Variants in PARD3B observed in about 807,000 individuals in gnomAD.
PARD3B encodes partitioning defective 3 homolog B.
PARD3B carries 103 observed loss-of-function variants against 130.2 expected under a neutral mutation model. The ratio of observed to expected loss-of-function variants is 0.79; its 90% confidence interval spans 0.67 to 0.93. PARD3B has a LOEUF of 0.93. Ranked by LOEUF, PARD3B falls within the 40% of genes least tolerant of loss-of-function variation. The probability of loss-of-function intolerance (pLI) is 0.00; values close to 1 mark genes in which losing one functional copy is unlikely to be tolerated. For missense variants in PARD3B, 1,609 were observed against 1,499.2 expected, an observed-to-expected ratio of 1.07 and a Z score of -1.21; for synonymous variants, 583 against 553.2, an observed-to-expected ratio of 1.05 and a Z score of -0.76.
Position 205,401,070 on chromosome 2 carries a change from A to G in PARD3B, c.2688A>G (p.Lys896=), listed in dbSNP as rs1204129552. The change falls in exon 19 of 23, where the codon AAA becomes AAG. Residue 896 remains lysine, a synonymous_variant. Transcript: ENST00000406610. The part of the protein sequence containing the change: ...GGKAEQKGTL[K]HGGLREEELE... ...AGGCTGAGCAGAAAGGTACTCTGAA[A>G]CATGGTGGCCTGAGAGAAGAAGAGC... The G allele has an allele frequency of 6.2e-7, 1 of 1,604,172 alleles. No individual in the cohort carries two copies. The highest frequency in any genetic ancestry group is 8.5e-7 in the Non-Finnish European group (1 of 1,175,508).
intron 2 of PARD3B, among the ~76,000 whole-genome samples, chr2:204,940,185 G>A (rs1021343030): frequency 2.0e-5 from 3 of 152,194 alleles, no homozygotes; most frequent in Non-Finnish European, 4.4e-5. Context: ...AGAGTTCAAA[G>A]TGTTTAGTGC....
intron 18 of PARD3B, among the ~76,000 whole-genome samples, chr2:205,382,426 A>G (rs2045486540): frequency 6.6e-6 from 1 of 152,106 alleles, no homozygotes; most frequent in Non-Finnish European, 1.5e-5. Context: ...AGTGATGTTC[A>G]TCTTGATCAT....
rs71032448 is a variant in PARD3B at position 205,164,822 on chromosome 2, TACAC to T, written c.1620+5938_1620+5941del. Among the ~76,000 whole-genome samples, 41 of 147,344 alleles carry T rather than the reference TACAC, an allele frequency of 2.8e-4. No homozygotes were observed. The Middle Eastern group carries it at 0.01, about 37-fold the overall frequency. On this transcript the variant is annotated intron_variant, in intron 11 of 22. Coordinates refer to ENST00000406610, the MANE Select transcript of PARD3B (RefSeq NM_001302769.2). The stretch of plus-strand genomic sequence containing the variant: ...GGTACCTATAGGCCATATATATGTA[TACAC>T]ACACACACACACACACACACACGTA...
At chr2:204,565,552 T>C in intron 1 of PARD3B, among the ~76,000 whole-genome samples, 1 of 152,324 alleles carries the variant, frequency 6.6e-6, no homozygotes, top group African/African-American at 2.4e-5. Flanking sequence ...TTAACATTAC[T>C]ATCAATTTCA....
intron 2 of PARD3B, among the ~76,000 whole-genome samples, chr2:204,759,585 A>G (rs950654181): frequency 5.3e-5 from 8 of 152,100 alleles, no homozygotes; most frequent in Non-Finnish European, 1.2e-4. Flanking sequence ...ATTTATTTAA[A>G]TGTTCCTCTG....
At chr2:205,004,924 T>C (rs1695131460) in intron 3 of PARD3B, among the ~76,000 whole-genome samples, 1 of 152,176 alleles carries the variant, frequency 6.6e-6, no homozygotes, top group African/African-American at 2.4e-5. Context: ...TCTCTCATAC[T>C]CTGTTTCTTG....
chr2:205,197,822 G>T (rs1211972875), intron 15 of PARD3B, among the ~76,000 whole-genome samples: 1 of 151,994 alleles, frequency 6.6e-6, no homozygotes, highest in Non-Finnish European at 1.5e-5. Flanking sequence ...GTTCAGTCTG[G>T]ACTCCTTTAA....
chr2:205,086,981 G>A (rs1274181995), intron 4 of PARD3B, among the ~76,000 whole-genome samples: 2 of 152,186 alleles, frequency 1.3e-5, no homozygotes, highest in Non-Finnish European at 2.9e-5. Context: ...TCAGATATAG[G>A]CACTGTTAGC....
intron 18 of PARD3B, among the ~76,000 whole-genome samples, chr2:205,390,377 C>T (rs1420477698): frequency 6.6e-6 from 1 of 151,586 alleles, no homozygotes; most frequent in Non-Finnish European, 1.5e-5. Flanking sequence ...AAGAATATTA[C>T]ATGAGCTATA....
At chr2:205,400,154 T>C (rs1027442591) in intron 18 of PARD3B, among the ~76,000 whole-genome samples, 3 of 152,194 alleles carry the variant, frequency 2.0e-5, no homozygotes, top group African/African-American at 7.2e-5. Context: ...TTTATTTATA[T>C]ATTAATGATA....
At chr2:204,746,077 C>A (rs1458714504) in intron 2 of PARD3B, among the ~76,000 whole-genome samples, 2 of 148,884 alleles carry the variant, frequency 1.3e-5, no homozygotes, top group Admixed American at 6.7e-5. Flanking sequence ...GTGTGCTGCA[C>A]CCATTAACTC....
chr2:205,319,235 A>T (rs1295097911), intron 18 of PARD3B, among the ~76,000 whole-genome samples: 1 of 151,396 alleles, frequency 6.6e-6, no homozygotes, highest in Non-Finnish European at 1.5e-5. Context: ...ACAAAGCACT[A>T]CCTCCCTAGC....
intron 2 of PARD3B, among the ~76,000 whole-genome samples, chr2:204,773,812 G>T (rs997256135): frequency 6.6e-6 from 1 of 151,730 alleles, no homozygotes; most frequent in Non-Finnish European, 1.5e-5. Context: ...CACGTACCCC[G>T]CTCTCATCCC....
chr2:205,489,238 A>T (rs915151310), intron 20 of PARD3B, among the ~76,000 whole-genome samples: 33 of 152,038 alleles, frequency 2.2e-4, no homozygotes, highest in Non-Finnish European at 2.9e-5. Flanking sequence ...CCTTGAGACA[A>T]TATGTATCAC....
intron 2 of PARD3B, among the ~76,000 whole-genome samples, chr2:204,908,508 C>T (rs73053143): frequency 0.052 from 7,917 of 152,170 alleles, 513 homozygotes; most frequent in African/African-American, 0.15. Flanking sequence ...TCTGGAGTTG[C>T]ACATTGGGGG....
At chr2:205,010,635 G>T (rs1490241797) in intron 3 of PARD3B, among the ~76,000 whole-genome samples, 1 of 152,132 alleles carries the variant, frequency 6.6e-6, no homozygotes, top group Admixed American at 6.6e-5. Context: ...AAATCTATTT[G>T]CTTCTGAATC....
rs1250381587 is a variant in PARD3B, at chr2:205,550,960, TATATATATATATATATACAC to T, written c.3181-2362_3181-2343del. Reference sequence around the variant, plus strand: ...GTGTGTGTATATATATATGTGTATATATATATATATATATATACACACACACACACACACACACACACATA... The same window carrying T: ...GTGTGTGTATATATATATGTGTATATACACACACACACACACACACACATA... On this transcript the variant is annotated intron_variant, in intron 21 of 22. Transcript: ENST00000406610. The surrounding 1 kb of genome is among the most constrained non-coding windows in gnomAD (Gnocchi z 4.5). Among the ~76,000 whole-genome samples, 4 of 98,346 alleles carry T rather than the reference TATATATATATATATATACAC, an allele frequency of 4.1e-5. No individual in the cohort carries two copies. The highest frequency in any genetic ancestry group is 2.4e-5 in the Non-Finnish European group (1 of 41,702). 64.5% of individuals were successfully genotyped at this position (98,346 alleles called of 152,430 possible). A position where few individuals can be genotyped will look rare whatever the true frequency, so the allele number is the denominator to read the frequency against.
At chr2:204,950,199 C>T (rs1689652910) in intron 2 of PARD3B, among the ~76,000 whole-genome samples, 1 of 152,094 alleles carries the variant, frequency 6.6e-6, no homozygotes, top group East Asian at 1.9e-4. Context: ...CTAACCTGCC[C>T]CCCTCCCCAT....
intron 2 of PARD3B, among the ~76,000 whole-genome samples, chr2:204,877,973 A>G (rs2045906032): frequency 6.6e-6 from 1 of 152,222 alleles, no homozygotes. Flanking sequence ...TTTCCTGCCA[A>G]AATTTATAGA....
Sources: allele counts gnomAD v4.1 joint callset (sites outside exome capture counted in the v4.1 genomes callset), GRCh38; gene constraint gnomAD v4.1.1; non-coding constraint Gnocchi (gnomAD v3.1); transcripts MANE v1.5; gene names NCBI Gene and HGNC (gene_info 2026-07-23, HGNC 2026-07-21).